RBFOX1: variants seen among roughly 807,000 people sequenced by gnomAD.
The protein encoded by RBFOX1 is RNA binding fox-1 homolog 1, also known as RNA binding protein fox-1 homolog 1.
Under a neutral mutation model 57.7 loss-of-function variants are expected in RBFOX1, and 8 were observed. The ratio of observed to expected loss-of-function variants is 0.14; its 90% CI spans 0.08 to 0.25. The LOEUF (loss-of-function observed/expected upper bound fraction) is 0.25. RBFOX1 is among the 10% of genes least tolerant of loss of function. RBFOX1 has a pLI of 1.00. For synonymous variants in RBFOX1, 326 were observed against 222.4 expected, an observed-to-expected ratio of 1.47 and a Z score of -4.15; for missense variants, 611 against 548.5, an observed-to-expected ratio of 1.11 and a Z score of -1.14.
At chr16:7,269,181 C>G (rs894313600) in intron 4 of RBFOX1, among the ~76,000 whole-genome samples, 1 of 151,712 alleles carries the variant, frequency 6.6e-6, no homozygotes, top group East Asian at 1.9e-4. Flanking sequence ...TCCGGTTATT[C>G]CAGAATATAC....
At chr16:7,101,286 T>C (rs1479777096) in intron 4 of RBFOX1, among the ~76,000 whole-genome samples, 1 of 152,136 alleles carries the variant, frequency 6.6e-6, no homozygotes, top group Non-Finnish European at 1.5e-5. Context: ...CGCCGCTAGC[T>C]TGGATGAATA....
intron 2 of RBFOX1, among the ~76,000 whole-genome samples, chr16:5,573,295 T>G (rs2046346839): frequency 1.3e-5 from 2 of 152,092 alleles, no homozygotes; most frequent in Non-Finnish European, 2.9e-5. Flanking sequence ...CGGCCTCGGG[T>G]GGGAGGTGAA....
intron 2 of RBFOX1, among the ~76,000 whole-genome samples, chr16:6,507,352 C>T (rs960093992): frequency 2.6e-5 from 4 of 151,970 alleles, no homozygotes; most frequent in African/African-American, 9.7e-5. Context: ...TTTGTCTATA[C>T]CATGGAATAT....
chr16:7,423,190 T>G (rs2098559981), intron 4 of RBFOX1, among the ~76,000 whole-genome samples: 1 of 152,086 alleles, frequency 6.6e-6, no homozygotes, highest in African/African-American at 2.4e-5. Flanking sequence ...AGACTTGGCC[T>G]TCTTTTAGGA....
In RBFOX1 at chr16:6,827,733, C is replaced by G. The variant is rs11859303; in HGVS notation, c.-16+173083C>G. Among the ~76,000 whole-genome samples, 1,231 of 152,260 alleles carry G rather than the reference C, an allele frequency of 8.1e-3. 22 individuals are homozygous for G. Among genetic ancestry groups the G allele is most frequent in the African/African-American group, 0.027 (1,133 of 41,550 alleles). ...ATGGTTGTTTGCCCATGCTGATCCC[C>G]TACATGGATCTCCGGTCACCTCCAT... On this transcript the variant is annotated intron_variant, in intron 3 of 15. Coordinates refer to ENST00000550418, the MANE Select transcript of RBFOX1 (RefSeq NM_018723.4).
chr16:6,483,012 A>G (rs2095396802), intron 2 of RBFOX1, among the ~76,000 whole-genome samples: 1 of 152,236 alleles, frequency 6.6e-6, no homozygotes, highest in African/African-American at 2.4e-5. Context: ...GAACAAGGGA[A>G]GGGACACGTG....
chr16:6,090,343 A>C (rs1212646703), intron 1 of RBFOX1, among the ~76,000 whole-genome samples: 1 of 152,204 alleles, frequency 6.6e-6, no homozygotes, highest in Non-Finnish European at 1.5e-5. Flanking sequence ...CACAGGTTCC[A>C]GGTATCATGA....
rs373878243 is a variant in RBFOX1, at chr16:7,159,576, C to G, written c.27+107478C>G. Reference sequence around the variant, plus strand: ...GGATTTGAACATGAGTCCCCAGCCACTTTTTCAGTGATCTCTCTACTCCGC... The same window carrying G: ...GGATTTGAACATGAGTCCCCAGCCAGTTTTTCAGTGATCTCTCTACTCCGC... On this transcript the variant is annotated intron_variant, in intron 4 of 15. Transcript: ENST00000550418. 8.7e-4 allele frequency among the ~76,000 whole-genome samples: 132 copies of G among 152,274 alleles called. 1 individual carries two copies. The highest frequency in any genetic ancestry group is 3.0e-3 in the African/African-American group (126 of 41,540).
intron 1 of RBFOX1, among the ~76,000 whole-genome samples, chr16:6,060,122 GTTTTTTTTTTTTTTTT>G (rs199690584): frequency 0.035 from 3,943 of 114,174 alleles, 172 homozygotes; most frequent in African/African-American, 0.074. Context: ...TAGGATTAGG[GTTTTTTTTTTTTTTTT>G]TTTTTTTTTT....
intron 14 of RBFOX1, among the ~76,000 whole-genome samples, chr16:7,708,727 GTTTC>G (rs976440233): frequency 6.6e-5 from 10 of 152,278 alleles, no homozygotes; most frequent in South Asian, 6.2e-4. Flanking sequence ...ACTTGAAGTT[GTTTC>G]TTTCTTACCT....
At chr16:7,012,588 G>A (rs1270037948) in intron 3 of RBFOX1, among the ~76,000 whole-genome samples, 1 of 152,144 alleles carries the variant, frequency 6.6e-6, no homozygotes, top group East Asian at 1.9e-4. Flanking sequence ...ATTTTTAAAT[G>A]CTGCTAACAA....
intron 2 of RBFOX1, among the ~76,000 whole-genome samples, chr16:6,327,001 C>T (rs1356704715): frequency 6.6e-6 from 1 of 152,150 alleles, no homozygotes; most frequent in Non-Finnish European, 1.5e-5. Context: ...CTTCTTTGTG[C>T]TCGTTTTAAA....
chr16:7,582,744 T>A (rs1011349586), intron 6 of RBFOX1, among the ~76,000 whole-genome samples: 2 of 152,212 alleles, frequency 1.3e-5, no homozygotes, highest in Non-Finnish European at 2.9e-5. Context: ...CCTGTCTTTG[T>A]CTTCCCACTT....
chr16:5,999,743 C>A (rs1262590238), intron 4 of RBFOX1, among the ~76,000 whole-genome samples: 1 of 151,752 alleles, frequency 6.6e-6, no homozygotes, highest in Non-Finnish European at 1.5e-5. Flanking sequence ...CGCCTGTAGT[C>A]CCAGCTACTT....
chr16:6,752,264 C>A (rs1360996595), intron 3 of RBFOX1, among the ~76,000 whole-genome samples: 1 of 152,114 alleles, frequency 6.6e-6, no homozygotes, highest in African/African-American at 2.4e-5. Flanking sequence ...TTTATAACAT[C>A]GAAGTGATAG....
chr16:6,353,276 T>G (rs966348256), intron 2 of RBFOX1, among the ~76,000 whole-genome samples: 1 of 152,062 alleles, frequency 6.6e-6, no homozygotes, highest in African/African-American at 2.4e-5. Context: ...TCAGCCACGT[T>G]TGAGAACCTA....
intron 1 of RBFOX1, among the ~76,000 whole-genome samples, chr16:6,076,332 G>GCACACACACACACATA (rs2095900057): frequency 6.7e-6 from 1 of 148,304 alleles, no homozygotes; most frequent in African/African-American, 2.5e-5. Flanking sequence ...ACAAACACAC[G>GCACACACACACACATA]CGCACACACA....
At chr16:6,780,063 TTATATATATTTACATATTTA>T (rs2080397342) in intron 3 of RBFOX1, among the ~76,000 whole-genome samples, 1 of 26,132 alleles carries the variant, frequency 3.8e-5, no homozygotes, top group Non-Finnish European at 5.6e-5. Context: ...TTATATATAT[TTATATATATTTACATATTTA>T]TATATATTTA....
At chr16:7,243,275 C>T (rs1373073261) in intron 4 of RBFOX1, among the ~76,000 whole-genome samples, 2 of 152,020 alleles carry the variant, frequency 1.3e-5, no homozygotes, top group African/African-American at 4.8e-5. Flanking sequence ...AGCCTATAGG[C>T]GTGGTCAGGG....
Sources: gnomAD v4.1 joint callset for allele counts (sites outside exome capture counted in the v4.1 genomes callset) on GRCh38, gnomAD v4.1.1 for gene constraint, MANE v1.5 for transcripts, NCBI Gene and HGNC (gene_info 2026-07-23, HGNC 2026-07-21) for gene names.